The following MARCHF1 variants were observed in gnomAD, a reference collection of about 807,000 sequenced individuals.
The protein encoded by MARCHF1 is E3 ubiquitin-protein ligase MARCHF1.
In MARCHF1, 40 loss-of-function variants were observed where a neutral mutation model predicts 54.2. The observed-to-expected ratio is 0.74, with a 90% CI of 0.57 to 0.96. The LOEUF (loss-of-function observed/expected upper bound fraction) is 0.96, where lower values mean the gene tolerates loss of function less well. Ranked by LOEUF, MARCHF1 falls within the 40% of genes least tolerant of loss-of-function variation. The pLI is 0.00. For missense variants in MARCHF1, 586 were observed against 656.5 expected, an observed-to-expected ratio of 0.89 and a Z score of 1.17; for synonymous variants, 236 against 236.3, an observed-to-expected ratio of 1.00 and a Z score of 0.01.
chr4:163,749,011 T>C (rs536854639), intron 4 of MARCHF1, among the ~76,000 whole-genome samples: 90 of 152,342 alleles, frequency 5.9e-4, no homozygotes, highest in Non-Finnish European at 1.2e-3. Flanking sequence ...TAACAGGTGT[T>C]GGTAATATTC....
chr4:163,999,401 AT>A (rs1353802488), intron 2 of MARCHF1, among the ~76,000 whole-genome samples: 2 of 151,660 alleles, frequency 1.3e-5, no homozygotes, highest in African/African-American at 2.4e-5. Flanking sequence ...AAAGATGGAT[AT>A]TAAATATTTT....
At chr4:164,239,495 G>A (rs572254786) in intron 1 of MARCHF1, among the ~76,000 whole-genome samples, 4 of 152,182 alleles carry the variant, frequency 2.6e-5, no homozygotes, top group African/African-American at 7.2e-5. Flanking sequence ...TCCTAATCAT[G>A]TGGTTTGACA....
intron 1 of MARCHF1, among the ~76,000 whole-genome samples, chr4:164,184,597 C>A (rs1200099427): frequency 6.6e-6 from 1 of 152,120 alleles, no homozygotes; most frequent in Non-Finnish European, 1.5e-5. Context: ...AACAAACCTC[C>A]ATAGAAATTA....
At chr4:164,116,017 T>C (rs1755932408) in intron 1 of MARCHF1, among the ~76,000 whole-genome samples, 1 of 152,100 alleles carries the variant, frequency 6.6e-6, no homozygotes, top group African/African-American at 2.4e-5. Flanking sequence ...ATCATTGATC[T>C]TTTTTTGTAA....
At chr4:164,113,868 T>C (rs1204073452) in intron 1 of MARCHF1, among the ~76,000 whole-genome samples, 1 of 151,554 alleles carries the variant, frequency 6.6e-6, no homozygotes, top group Non-Finnish European at 1.5e-5. Context: ...GCACAACACT[T>C]CTCAGGGTGA....
At chr4:164,029,213 A>G (rs1306610106) in intron 2 of MARCHF1, among the ~76,000 whole-genome samples, 1 of 152,196 alleles carries the variant, frequency 6.6e-6, no homozygotes, top group Non-Finnish European at 1.5e-5. Flanking sequence ...ACAGTTCCAC[A>G]GGCTATACAG....
At chr4:164,075,850 A>G (rs1047403041) in intron 2 of MARCHF1, among the ~76,000 whole-genome samples, 1 of 152,166 alleles carries the variant, frequency 6.6e-6, no homozygotes, top group Non-Finnish European at 1.5e-5. Flanking sequence ...CATGAACTGA[A>G]CCTATCTCCC....
chr4:163,579,021 C>T (rs936572357), intron 8 of MARCHF1, among the ~76,000 whole-genome samples: 2 of 152,094 alleles, frequency 1.3e-5, no homozygotes, highest in Non-Finnish European at 2.9e-5. Flanking sequence ...TCTTTTGCTG[C>T]CTAGAGAAGA....
intron 1 of MARCHF1, among the ~76,000 whole-genome samples, chr4:164,347,361 C>T (rs1221299563): frequency 6.6e-6 from 1 of 152,106 alleles, no homozygotes; most frequent in African/African-American, 2.4e-5. Flanking sequence ...GCTGAAGAAT[C>T]AGGTAAATTC....
intron 1 of MARCHF1, among the ~76,000 whole-genome samples, chr4:164,170,306 A>G (rs1378551427): frequency 6.6e-6 from 1 of 152,144 alleles, no homozygotes; most frequent in Non-Finnish European, 1.5e-5. Context: ...ATGAAGCTTA[A>G]CAGGTATTAA....
At position 163,527,786 on chromosome 4, in the gene MARCHF1, G is replaced by C. The variant is rs942586897; in HGVS notation, c.*962C>G. Reference sequence around the variant, plus strand: ...ACTTTTAAATTACCAACTGGATTTTGAAAACTTGGTTCAAGAAACAGATGT... The same window carrying C: ...ACTTTTAAATTACCAACTGGATTTTCAAAACTTGGTTCAAGAAACAGATGT... On this transcript the variant is annotated 3_prime_UTR_variant, in exon 10 of 10. Transcript: ENST00000514618. 1 of 152,032 alleles carries C rather than the reference G, an allele frequency of 6.6e-6. No individual in the cohort carries two copies. Among genetic ancestry groups the C allele is most frequent in the Non-Finnish European group, 1.5e-5 (1 of 67,968 alleles). The allele number at this position is 152,032 out of a possible 1,614,324, so 9.4% of individuals were successfully genotyped here.
intron 2 of MARCHF1, among the ~76,000 whole-genome samples, chr4:164,013,178 C>CA (rs1394518730): frequency 6.6e-6 from 1 of 151,966 alleles, no homozygotes; most frequent in Non-Finnish European, 1.5e-5. Flanking sequence ...AATTCTATCA[C>CA]AAAAATTTAA....
intron 1 of MARCHF1, among the ~76,000 whole-genome samples, chr4:164,340,942 G>A (rs1422400793): frequency 6.6e-6 from 1 of 150,772 alleles, no homozygotes; most frequent in Non-Finnish European, 1.5e-5. Context: ...AAAGTTACAG[G>A]TCAATATCAC....
Position 163,556,636 on chromosome 4 carries a change from CAG to C in MARCHF1, c.1192-10895_1192-10894del, listed in dbSNP as rs543419445. ...ATATACGATTTATATATAAATAAAACAGAATATATATTTGTACATATATTCTA... is the reference window on the plus strand; with the variant it reads ...ATATACGATTTATATATAAATAAAACAATATATATTTGTACATATATTCTA... On this transcript the variant is annotated intron_variant, in intron 8 of 9. Coordinates refer to ENST00000514618, the MANE Select transcript of MARCHF1 (RefSeq NM_001394959.1). 9.9e-3 allele frequency among the ~76,000 whole-genome samples: 1,504 copies of C among 151,404 alleles called. 21 individuals carry two copies. Among genetic ancestry groups the C allele is most frequent in the African/African-American group, 0.032 (1,339 of 41,342 alleles).
chr4:163,762,889 T>C (rs1284522593), intron 4 of MARCHF1, among the ~76,000 whole-genome samples: 1 of 152,112 alleles, frequency 6.6e-6, no homozygotes, highest in Non-Finnish European at 1.5e-5. Flanking sequence ...CATTATAAAG[T>C]AATTATGCAT....
At chr4:164,307,590 T>A (rs1414704422) in intron 1 of MARCHF1, among the ~76,000 whole-genome samples, 1 of 152,226 alleles carries the variant, frequency 6.6e-6, no homozygotes, top group African/African-American at 2.4e-5. Flanking sequence ...TCAATGCCAT[T>A]TCATTTTTGC....
chr4:164,339,483 C>A (rs1328168920), intron 1 of MARCHF1, among the ~76,000 whole-genome samples: 1 of 151,816 alleles, frequency 6.6e-6, no homozygotes, highest in African/African-American at 2.4e-5. Flanking sequence ...ACCAATGATC[C>A]AAAACTAAAT....
rs1730503769 is a variant in MARCHF1, at chr4:164,355,704, G to T, written c.-323+28166C>A. Reference sequence around the variant, plus strand: ...CATTACCATTCAGGACATAGGCATGGGCAAGGACTTCATGTCCAAAACACC... The same window carrying T: ...CATTACCATTCAGGACATAGGCATGTGCAAGGACTTCATGTCCAAAACACC... On this transcript the variant is annotated intron_variant, in intron 1 of 9. Coordinates refer to ENST00000514618, the MANE Select transcript of MARCHF1 (RefSeq NM_001394959.1). Among the ~76,000 whole-genome samples the T allele has an allele frequency of 4.0e-5, 4 of 99,960 alleles. 2 individuals carry two copies. The highest frequency in any genetic ancestry group is 2.2e-4 in the Admixed American group (2 of 9,192). 65.6% of individuals were successfully genotyped at this position (99,960 alleles called of 152,430 possible).
At chr4:163,707,951 T>C (rs1381390036) in intron 4 of MARCHF1, among the ~76,000 whole-genome samples, 3 of 151,944 alleles carry the variant, frequency 2.0e-5, no homozygotes, top group Non-Finnish European at 4.4e-5. Flanking sequence ...CTCTGCTTAC[T>C]GGGGAGTGGG....
Sources: gnomAD v4.1 joint callset for allele counts (sites outside exome capture counted in the v4.1 genomes callset) on GRCh38, gnomAD v4.1.1 for gene constraint, MANE v1.5 for transcripts, NCBI Gene and HGNC (gene_info 2026-07-23, HGNC 2026-07-21) for gene names.